Variants in ARHGEF19 observed in about 807,000 individuals in gnomAD.
ARHGEF19 encodes Rho guanine nucleotide exchange factor 19, also known as Rho guanine nucleotide exchange factor (GEF) 19.
ARHGEF19 carries 92 observed loss-of-function variants against 87.6 expected under a neutral mutation model. The ratio of observed to expected loss-of-function variants is 1.05; its 90% CI spans 0.89 to 1.25. The LOEUF is 1.25. Among genes scored for constraint, ARHGEF19 ranks in the 50% most tolerant of loss-of-function variants. The probability of loss-of-function intolerance (pLI) is 0.00; values close to 1 mark genes in which losing one functional copy is unlikely to be tolerated. For missense variants in ARHGEF19, 1,054 were observed against 1,051.8 expected, an observed-to-expected ratio of 1.00 and a Z score of -0.03; for synonymous variants, 438 against 446.2, an observed-to-expected ratio of 0.98 and a Z score of 0.23.
At position 16,205,592 on chromosome 1, in the gene ARHGEF19, G is replaced by C. The variant is rs367702447; in HGVS notation, c.1527C>G (p.Thr509=). 3.1e-6 allele frequency: 5 copies of C among 1,614,034 alleles called. No individual in the cohort carries two copies. In the African/African-American group the frequency reaches 5.3e-5, roughly 17 times the overall value. Reference sequence around the variant, plus strand: ...TCTGGAAGGGCAGGATAAGGAAGGAGGTAAGGGGCAGACGCTGGCACACAG... The same window carrying C: ...TCTGGAAGGGCAGGATAAGGAAGGACGTAAGGGGCAGACGCTGGCACACAG... ...ESPVCQRLPL[T]SFLILPFQRI... is the part of the protein sequence containing the mutation. The change falls in exon 9 of 16, where the codon ACC becomes ACG. Residue 509 remains threonine (T), a synonymous_variant. Transcript: ENST00000270747. This position sits in a 1 kb window ranked among gnomAD's most constrained non-coding sequence, Gnocchi z 5.8.
intron 1 of ARHGEF19, 38 bp from the exon 2 acceptor site, chr1:16,209,121 G>A (rs2081174564): frequency 1.5e-6 from 2 of 1,374,560 alleles, no homozygotes; most frequent in Non-Finnish European, 1.9e-6. Context: ...ACAGAGGACA[G>A]TGGGGCTGGC....
chr1:16,207,643 T>C lies in ARHGEF19; in HGVS notation c.797+32A>G. 6.2e-7 allele frequency: 1 copy of C among 1,613,998 alleles called. No individual in the cohort carries two copies. The highest frequency in any genetic ancestry group is 1.1e-5 in the South Asian group (1 of 91,076). On this transcript the variant is annotated intron_variant, in intron 4 of 15. Coordinates refer to ENST00000270747, the MANE Select transcript of ARHGEF19 (RefSeq NM_153213.5). The surrounding 1 kb of genome is among the most constrained non-coding windows in gnomAD (Gnocchi z 4.0). ...ACGGCCCTAGTTCGCCTGCACCCTG[T>C]CTCGGACCCAAGCCCAAACGGGAGG...
Position 16,206,976 on chromosome 1 carries a change from A to G in ARHGEF19, c.1109T>C (p.Leu370Pro), listed in dbSNP as rs1413320052. The G allele has an allele frequency of 6.6e-7, 1 of 1,509,172 alleles. No homozygotes were observed. The highest frequency in any genetic ancestry group is 8.8e-7 in the Non-Finnish European group (1 of 1,134,314). The allele number at this position is 1,509,172 out of a possible 1,614,324, so 93.5% of individuals were successfully genotyped here. A position where few individuals can be genotyped will look rare whatever the true frequency, so the allele number is the denominator to read the frequency against. ...CTGCAGCTTGCAGTCCCGCAGGCTC[A>G]GCGTGGCCAGGACGCCGCTGCCGCG... ...DVRGSGVLAT[L>P]SLRDCKLQEA... Residue 370 changes from leucine to proline, a missense_variant, in exon 6 of 16, where the codon CTG (leucine) becomes CCG (proline). Coordinates refer to ENST00000270747, the MANE Select transcript of ARHGEF19 (RefSeq NM_153213.5). The surrounding 1 kb of genome is among the most constrained non-coding windows in gnomAD (Gnocchi z 4.6).
chr1:16,207,290 C>G lies in ARHGEF19; in HGVS notation c.875-80G>C. On this transcript the variant is annotated intron_variant, in intron 5 of 15. Coordinates refer to ENST00000270747, the MANE Select transcript of ARHGEF19 (RefSeq NM_153213.5). The surrounding 1 kb of genome is among the most constrained non-coding windows in gnomAD (Gnocchi z 4.0). ...CTTTTCCTCGGTTCCCTCAAGAGCCCGCGTCACTTAACCTTTGCCGCGGTT... is the reference window on the plus strand; with the variant it reads ...CTTTTCCTCGGTTCCCTCAAGAGCCGGCGTCACTTAACCTTTGCCGCGGTT... The G allele has an allele frequency of 2.1e-6, 3 of 1,445,918 alleles. No individual in the cohort carries two copies. The highest frequency in any genetic ancestry group is 2.7e-6 in the Non-Finnish European group (3 of 1,103,368). 89.6% of individuals were successfully genotyped at this position (1,445,918 alleles called of 1,614,324 possible).
intron 2 of ARHGEF19, 21 bp from the exon 3 acceptor site, chr1:16,208,246 T>G: frequency 6.2e-7 from 1 of 1,605,642 alleles, no homozygotes; most frequent in East Asian, 2.2e-5. Context: ...GGGCAAGGAG[T>G]GAGAGCACGG....
At chr1:16,209,876 G>A (rs556953992) in intron 1 of ARHGEF19, among the ~76,000 whole-genome samples, 41 of 152,336 alleles carry the variant, frequency 2.7e-4, no homozygotes, top group Admixed American at 4.6e-4. Flanking sequence ...ACTGGCAGGC[G>A]GGCCACCACC....
In ARHGEF19 at chr1:16,208,749, C is replaced by T; in HGVS notation, c.306G>A (p.Trp102Ter). The T allele has an allele frequency of 1.2e-6, 2 of 1,611,878 alleles. No individual in the cohort carries two copies. Among genetic ancestry groups the T allele is most frequent in the Non-Finnish European group, 1.7e-6 (2 of 1,179,280 alleles). ...GGMRPSRAGS[W>*]PHCPGAQPPA... ...GGGGCTGGGCACCAGGACAGTGTGG[C>T]CAGCTGCCAGCCCTGCTGGGCCGCA... Residue 102 changes from tryptophan (W) to a stop codon, truncating the protein, a stop_gained, in exon 2 of 16, where the codon TGG becomes TGA. Coordinates refer to ENST00000270747, the MANE Select transcript of ARHGEF19 (RefSeq NM_153213.5). LOFTEE classifies it high-confidence loss of function.
At chr1:16,202,289 C>G (rs1214675142) in intron 13 of ARHGEF19, 127 bp downstream of exon 13, 36 of 1,363,506 alleles carry the variant, frequency 2.6e-5, no homozygotes, top group Non-Finnish European at 3.6e-5. Flanking sequence ...GAGTTGAGCA[C>G]TTGGGGAGGA....
rs1436806448 is a variant in ARHGEF19, at chr1:16,206,087, AG to A, written c.1299-5del. 6.3e-7 allele frequency: 1 copy of A among 1,577,774 alleles called. No homozygotes were observed. Among genetic ancestry groups the A allele is most frequent in the East Asian group, 2.3e-5 (1 of 43,460 alleles). ...CTGCTCCAGGTCCTGCAGGAACCTG[AG>A]GAGTCAGAGCCAGGATGGAGACCCC... On this transcript the variant is annotated splice_polypyrimidine_tract_variant and splice_region_variant and intron_variant, in intron 7 of 15. Transcript: ENST00000270747. The surrounding 1 kb of genome is among the most constrained non-coding windows in gnomAD (Gnocchi z 4.6).
intron 14 of ARHGEF19, among the ~76,000 whole-genome samples, chr1:16,200,779 T>C (rs928390774): frequency 6.6e-6 from 1 of 151,430 alleles, no homozygotes; most frequent in African/African-American, 2.4e-5. Flanking sequence ...CAAGTGCCTG[T>C]AATCCCAGCT....
intron 14 of ARHGEF19, among the ~76,000 whole-genome samples, chr1:16,200,990 G>T (rs545521467): frequency 6.6e-6 from 1 of 152,290 alleles, no homozygotes; most frequent in South Asian, 2.1e-4. Flanking sequence ...GAAGGGAAAG[G>T]ATTGCTTGAG....
At chr1:16,201,355 G>A (rs574608930) in intron 14 of ARHGEF19, among the ~76,000 whole-genome samples, 1 of 152,260 alleles carries the variant, frequency 6.6e-6, no homozygotes, top group South Asian at 2.1e-4. Flanking sequence ...CTGAGCAGAT[G>A]CCTCACCTGC....
At position 16,206,150 on chromosome 1, in the gene ARHGEF19, AC is replaced by A; in HGVS notation, c.1298+29del. 6.3e-7 allele frequency: 1 copy of A among 1,584,392 alleles called. No homozygotes were observed. Among genetic ancestry groups the A allele is most frequent in the Non-Finnish European group, 8.6e-7 (1 of 1,163,808 alleles). On this transcript the variant is annotated intron_variant, in intron 7 of 15. Coordinates refer to ENST00000270747, the MANE Select transcript of ARHGEF19 (RefSeq NM_153213.5). This position sits in a 1 kb window ranked among gnomAD's most constrained non-coding sequence, Gnocchi z 4.6. ...CTGGCCAACCACTGGCTCCGTCCCCACCCCGGGCCAGGCCAGACCACTTCTT... is the reference window on the plus strand; with the variant it reads ...CTGGCCAACCACTGGCTCCGTCCCCACCCGGGCCAGGCCAGACCACTTCTT...
At position 16,206,411 on chromosome 1, in the gene ARHGEF19, C is replaced by T. The variant is rs1397612388; in HGVS notation, c.1138-71G>A. Reference sequence around the variant, plus strand: ...CTCGGAGGCCCTGGCCTCACATCCCCAGACCCCAGGACGCCACACCTCGCG... The same window carrying T: ...CTCGGAGGCCCTGGCCTCACATCCCTAGACCCCAGGACGCCACACCTCGCG... On this transcript the variant is annotated intron_variant, in intron 6 of 15. Coordinates refer to ENST00000270747, the MANE Select transcript of ARHGEF19 (RefSeq NM_153213.5). This position sits in a 1 kb window ranked among gnomAD's most constrained non-coding sequence, Gnocchi z 4.6. 2 of 1,519,060 alleles carry T rather than the reference C, an allele frequency of 1.3e-6. No individual in the cohort carries two copies. The highest frequency in any genetic ancestry group is 1.8e-6 in the Non-Finnish European group (2 of 1,117,714). The allele number at this position is 1,519,060 out of a possible 1,614,324, so 94.1% of individuals were successfully genotyped here.
intron 12 of ARHGEF19, among the ~76,000 whole-genome samples, chr1:16,203,981 C>T (rs1241715145): frequency 6.6e-6 from 1 of 152,220 alleles, no homozygotes; most frequent in Non-Finnish European, 1.5e-5. Flanking sequence ...TGACTGTTTA[C>T]TAAATGAACA....
chr1:16,209,668 G>T (rs1210131274), intron 1 of ARHGEF19, among the ~76,000 whole-genome samples: 1 of 152,006 alleles, frequency 6.6e-6, no homozygotes, highest in Non-Finnish European at 1.5e-5. Flanking sequence ...TCACAAACAC[G>T]CTGACCCGTC....
In ARHGEF19 at chr1:16,202,489, C is replaced by G. The variant is rs776222703; in HGVS notation, c.1993G>C (p.Gly665Arg). 6.2e-7 allele frequency: 1 copy of G among 1,614,164 alleles called. No individual in the cohort carries two copies. The highest frequency in any genetic ancestry group is 8.5e-7 in the Non-Finnish European group (1 of 1,180,028). Residue 665 changes from glycine (G) to arginine (R), a missense_variant, in exon 13 of 16, where the codon GGC becomes CGC. Gly to Arg is a moderately radical substitution (Grantham distance 125, BLOSUM62 -2). Coordinates refer to ENST00000270747, the MANE Select transcript of ARHGEF19 (RefSeq NM_153213.5). Reference sequence around the variant, plus strand: ...AGGAGCTGGAGGAGGAACACGTGGCCGGGGATGCCCTGCAGCTTCAGGCTC... The same window carrying G: ...AGGAGCTGGAGGAGGAACACGTGGCGGGGGATGCCCTGCAGCTTCAGGCTC... ...DLSLKLQGIP[G>R]HVFLLQLLHG... is the part of the protein sequence containing the mutation.
chr1:16,206,884 T>TAAGTCCCCGGACCGCG lies in ARHGEF19; in HGVS notation c.1137+48_1137+63dup. On this transcript the variant is annotated intron_variant, in intron 6 of 15. Coordinates refer to ENST00000270747, the MANE Select transcript of ARHGEF19 (RefSeq NM_153213.5). The surrounding 1 kb of genome is among the most constrained non-coding windows in gnomAD (Gnocchi z 4.6). ...CCTCCCTCTATGGCCCGGTTCCCGC[T>TAAGTCCCCGGACCGCG]AAGTCCCCGGACCGCGTACTCCCCG... is the stretch of plus-strand genomic sequence containing the variant. 1 of 1,380,608 alleles carries TAAGTCCCCGGACCGCG rather than the reference T, an allele frequency of 7.2e-7. No homozygotes were observed. The highest frequency in any genetic ancestry group is 3.0e-5 in the East Asian group (1 of 33,180). The allele number at this position is 1,380,608 out of a possible 1,614,324, so 85.5% of individuals were successfully genotyped here. A position where few individuals can be genotyped will look rare whatever the true frequency, so the allele number is the denominator to read the frequency against.
At position 16,201,799 on chromosome 1, in the gene ARHGEF19, AC is replaced by A. The variant is rs767683114; in HGVS notation, c.2128del (p.Val710SerfsTer25). ...GCTACTACCTTCCCCCTCACTGATGACCTCCTTGTCCTCCTGGGGGCTGGAG... is the reference window on the plus strand; with the variant it reads ...GCTACTACCTTCCCCCTCACTGATGACTCCTTGTCCTCCTGGGGGCTGGAG... ...CPSSPQEDKE[V>X]ISEGEDCPQV... On this transcript the variant is annotated frameshift_variant, in exon 14 of 16. Coordinates refer to ENST00000270747, the MANE Select transcript of ARHGEF19 (RefSeq NM_153213.5). LOFTEE classifies it high-confidence loss of function. 15 of 1,613,456 alleles carry A rather than the reference AC, an allele frequency of 9.3e-6. No individual in the cohort carries two copies. Among genetic ancestry groups the A allele is most frequent in the Non-Finnish European group, 1.2e-5 (14 of 1,179,716 alleles).
Sources: gnomAD v4.1 joint callset for allele counts (sites outside exome capture counted in the v4.1 genomes callset) on GRCh38, gnomAD v4.1.1 for gene constraint, Gnocchi (gnomAD v3.1) non-coding constraint, MANE v1.5 for transcripts, NCBI Gene and HGNC (gene_info 2026-07-23, HGNC 2026-07-21) for gene names.